The following ISM1 variants were observed in gnomAD, a reference collection of about 807,000 sequenced individuals.
ISM1 encodes the protein isthmin 1.
Under a neutral mutation model 46.3 loss-of-function variants are expected in ISM1, and 25 were observed. That is an observed-to-expected ratio of 0.54 (90% CI 0.39 to 0.75). The LOEUF (loss-of-function observed/expected upper bound fraction) is 0.75, where lower values mean the gene tolerates loss of function less well. Among genes scored for constraint, ISM1 ranks in the 30% least tolerant of loss-of-function variants. The pLI, the probability that ISM1 is intolerant of heterozygous loss-of-function variation, is 0.00. For synonymous variants in ISM1, 255 were observed against 256.7 expected (o/e 0.99, Z 0.06); for missense variants, 536 against 625.4 (o/e 0.86, Z 1.52).
intron 1 of ISM1, among the ~76,000 whole-genome samples, chr20:13,252,119 A>G (rs914544571): frequency 1.3e-5 from 2 of 152,166 alleles, no homozygotes; most frequent in African/African-American, 4.8e-5. Flanking sequence ...GGCCCTGTCT[A>G]CGGAGCCTTA....
At chr20:13,316,272 A>C in the ISM1 span, among the ~76,000 whole-genome samples, 1 of 151,994 alleles carries the variant, frequency 6.6e-6, no homozygotes, top group Admixed American at 6.6e-5. Context: ...AAAGGTCTAT[A>C]TCTATTAAGG....
intron 1 of ISM1, among the ~76,000 whole-genome samples, chr20:13,259,481 A>T (rs2039965147): frequency 6.6e-6 from 1 of 152,198 alleles, no homozygotes; most frequent in Non-Finnish European, 1.5e-5. Flanking sequence ...TGTGAATCTC[A>T]TACAAATAAA....
In ISM1 at chr20:13,287,472, T is replaced by C. The variant is rs116964287; in HGVS notation, c.644-1068T>C. On this transcript the variant is annotated intron_variant, in intron 3 of 5. Coordinates refer to ENST00000262487, the MANE Select transcript of ISM1 (RefSeq NM_080826.2). ...TGGGTGGGGAGACAGAGCCAAACCA[T>C]ATCAATAGGGTACCACCCTCTCCCA... 6.0e-4 allele frequency among the ~76,000 whole-genome samples: 92 copies of C among 152,190 alleles called. 1 individual carries two copies. In the East Asian group the frequency reaches 0.015, roughly 25 times the overall value.
At chr20:13,222,055 C>T (rs1600468349) in intron 1 of ISM1, 141 bp downstream of exon 1, 4 of 850,848 alleles carry the variant, frequency 4.7e-6, no homozygotes, top group African/African-American at 1.8e-5. Flanking sequence ...TAGTTTTGCC[C>T]GGGCCACTTG....
At chr20:13,262,077 G>T (rs1040363555) in intron 1 of ISM1, among the ~76,000 whole-genome samples, 23 of 152,116 alleles carry the variant, frequency 1.5e-4, no homozygotes, top group African/African-American at 5.1e-4. Flanking sequence ...CTTCAAATTG[G>T]GTCCTGGAAA....
intron 1 of ISM1, among the ~76,000 whole-genome samples, chr20:13,250,159 G>A (rs1183071931): frequency 6.6e-6 from 1 of 152,156 alleles, no homozygotes; most frequent in African/African-American, 2.4e-5. Context: ...GCCATGAAAC[G>A]ACCACGTTGA....
At chr20:13,282,099 A>G (rs2040244495) in intron 3 of ISM1, among the ~76,000 whole-genome samples, 1 of 152,146 alleles carries the variant, frequency 6.6e-6, no homozygotes, top group Admixed American at 6.5e-5. Flanking sequence ...CCTCTGTTTG[A>G]GATGAATGGT....
rs143698433 is a variant in ISM1 at position 13,278,052 on chromosome 20, C to T, written c.379-1582C>T. Reference sequence around the variant, plus strand: ...TCAGGTTAGGGCAAAAGTGGAAATGCGTCTGCCCAGTACATCTTGGGTTGA... The same window carrying T: ...TCAGGTTAGGGCAAAAGTGGAAATGTGTCTGCCCAGTACATCTTGGGTTGA... On this transcript the variant is annotated intron_variant, in intron 2 of 5. Coordinates refer to ENST00000262487, the MANE Select transcript of ISM1 (RefSeq NM_080826.2). Among the ~76,000 whole-genome samples, 618 of 152,292 alleles carry T rather than the reference C, an allele frequency of 4.1e-3. 6 individuals are homozygous for T. The highest frequency in any genetic ancestry group is 0.014 in the African/African-American group (590 of 41,556).
At chr20:13,285,021 G>A (rs544857347) in intron 3 of ISM1, among the ~76,000 whole-genome samples, 1 of 152,316 alleles carries the variant, frequency 6.6e-6, no homozygotes, top group Admixed American at 6.5e-5. Flanking sequence ...GCATGGTGAC[G>A]TATGTCTGTA....
At chr20:13,272,757 T>A (rs1044862302) in intron 2 of ISM1, among the ~76,000 whole-genome samples, 3 of 152,166 alleles carry the variant, frequency 2.0e-5, no homozygotes, top group African/African-American at 7.2e-5. Flanking sequence ...ATGGAACCCT[T>A]TGGAATAGGT....
chr20:13,265,544 T>G (rs912608025), intron 1 of ISM1, among the ~76,000 whole-genome samples: 3 of 152,188 alleles, frequency 2.0e-5, no homozygotes, highest in African/African-American at 7.2e-5. Flanking sequence ...ATCGAAAGCT[T>G]CCTTGCTTCT....
chr20:13,243,949 T>G (rs1326439131), intron 1 of ISM1: 1 of 152,194 alleles, frequency 6.6e-6, no homozygotes, highest in African/African-American at 2.4e-5. Flanking sequence ...GTTTGCTTAG[T>G]GGAATGAGGA....
intron 3 of ISM1, among the ~76,000 whole-genome samples, chr20:13,283,538 A>G (rs533843141): frequency 7.2e-5 from 11 of 152,348 alleles, no homozygotes; most frequent in African/African-American, 2.6e-4. Context: ...ATTACAAAAT[A>G]CACAACAGAA....
chr20:13,266,688 C>T (rs1488476302), intron 1 of ISM1, among the ~76,000 whole-genome samples: 1 of 152,174 alleles, frequency 6.6e-6, no homozygotes, highest in Non-Finnish European at 1.5e-5. Context: ...AATTCAATGG[C>T]ATTTTGGAAA....
At chr20:13,285,608 T>A (rs572322657) in intron 3 of ISM1, among the ~76,000 whole-genome samples, 1 of 152,206 alleles carries the variant, frequency 6.6e-6, no homozygotes, top group African/African-American at 2.4e-5. Flanking sequence ...ATACCTCAGC[T>A]GGCATCCTAT....
chr20:13,307,672 T>A, the ISM1 span, among the ~76,000 whole-genome samples: 1 of 152,214 alleles, frequency 6.6e-6, no homozygotes, highest in African/African-American at 2.4e-5. Context: ...GACCTTCGGG[T>A]AAATGGAATC....
At chr20:13,307,457 A>G in the ISM1 span, among the ~76,000 whole-genome samples, 1 of 152,206 alleles carries the variant, frequency 6.6e-6, no homozygotes, top group African/African-American at 2.4e-5. Context: ...GAAATGTTCT[A>G]TATATTGTGT....
chr20:13,324,160 C>T, the ISM1 span, among the ~76,000 whole-genome samples: 1 of 152,288 alleles, frequency 6.6e-6, no homozygotes, highest in African/African-American at 2.4e-5. Context: ...TTTCATAACC[C>T]TCACGAATGC....
intron 3 of ISM1, among the ~76,000 whole-genome samples, chr20:13,287,856 G>A (rs117755419): frequency 2.0e-5 from 3 of 152,296 alleles, no homozygotes; most frequent in East Asian, 1.9e-4. Flanking sequence ...AACAACAACC[G>A]TTTATTATTT....
Sources: allele counts gnomAD v4.1 joint callset (sites outside exome capture counted in the v4.1 genomes callset), GRCh38; gene constraint gnomAD v4.1.1; transcripts MANE v1.5; gene names NCBI Gene and HGNC (gene_info 2026-07-23, HGNC 2026-07-21).